Variants in CEP112 observed in about 807,000 individuals in gnomAD.
The protein encoded by CEP112 is centrosomal protein 112.
Under a neutral mutation model 153.0 loss-of-function variants are expected in CEP112, and 127 were observed. The ratio of observed to expected loss-of-function variants is 0.83; its 90% CI spans 0.72 to 0.96. The LOEUF (loss-of-function observed/expected upper bound fraction) is 0.96. Ranked by LOEUF, CEP112 falls within the 40% of genes least tolerant of loss-of-function variation. The probability of loss-of-function intolerance (pLI) is 0.00; values close to 1 mark genes in which losing one functional copy is unlikely to be tolerated. For synonymous variants in CEP112, 358 were observed against 374.4 expected (o/e 0.96, Z 0.51); for missense variants, 1,089 against 1,101.2 (o/e 0.99, Z 0.16).
At chr17:66,052,728 T>C (rs2145926013) in intron 12 of CEP112, among the ~76,000 whole-genome samples, 1 of 152,298 alleles carries the variant, frequency 6.6e-6, no homozygotes. Context: ...CCAATCTCCC[T>C]CTTTGATTTC....
At chr17:65,784,295 A>C (rs1271822671) in intron 21 of CEP112, among the ~76,000 whole-genome samples, 1 of 152,214 alleles carries the variant, frequency 6.6e-6, no homozygotes, top group Non-Finnish European at 1.5e-5. Context: ...ACTACAGCTG[A>C]GCTTATAAAC....
chr17:66,032,651 C>T (rs952122495), intron 12 of CEP112, among the ~76,000 whole-genome samples: 10 of 152,214 alleles, frequency 6.6e-5, no homozygotes, highest in African/African-American at 2.4e-4. Context: ...AAGAAGATAA[C>T]ATCATCCACA....
chr17:65,700,139 G>A (rs1182412718), intron 23 of CEP112, among the ~76,000 whole-genome samples: 2 of 151,106 alleles, frequency 1.3e-5, no homozygotes, highest in East Asian at 1.9e-4. Flanking sequence ...TCTCACTTGC[G>A]GATATTTCCC....
At chr17:65,648,125 T>C (rs8081822) in intron 24 of CEP112, among the ~76,000 whole-genome samples, 106,026 of 152,042 alleles carry the variant, frequency 0.7, 38,509 homozygotes, top group East Asian at 0.95. Context: ...TCTGCTGTGG[T>C]TCATTTCCAT....
rs1038451457 is a variant in CEP112, at chr17:66,176,653, A to G, written c.297+177T>C. On this transcript the variant is annotated intron_variant, in intron 3 of 26. Coordinates refer to ENST00000535342, the MANE Select transcript of CEP112 (RefSeq NM_001199165.4). ...AATCAATAAGGATACTCCCCTTATA[A>G]GCAATACATGTATTTTATTAAAGGT... 3 of 443,452 alleles carry G rather than the reference A, an allele frequency of 6.8e-6. 1 individual carries two copies. The highest frequency in any genetic ancestry group is 1.2e-3 in the Middle Eastern group (2 of 1,640). The allele number at this position is 443,452 out of a possible 1,614,324, so 27.5% of individuals were successfully genotyped here.
chr17:65,912,047 G>A (rs189841615), intron 19 of CEP112, among the ~76,000 whole-genome samples: 177 of 152,254 alleles, frequency 1.2e-3, no homozygotes, highest in Non-Finnish European at 3.4e-4. Flanking sequence ...CGGGTTCTGG[G>A]TCTGCGAACC....
In CEP112 at chr17:66,028,303, C is replaced by A; in HGVS notation, c.1596+10G>T. 6.6e-7 allele frequency: 1 copy of A among 1,513,210 alleles called. No individual in the cohort carries two copies. The highest frequency in any genetic ancestry group is 9.1e-7 in the Non-Finnish European group (1 of 1,099,216). The allele number at this position is 1,513,210 out of a possible 1,614,324, so 93.7% of individuals were successfully genotyped here. ...ACCATTGTTCTTCTGTGTAGAAATA[C>A]AAGACTCACCCTTAGTTGTTGCTTT... On this transcript the variant is annotated intron_variant, in intron 15 of 26. Coordinates refer to ENST00000535342, the MANE Select transcript of CEP112 (RefSeq NM_001199165.4).
intron 21 of CEP112, 143 bp from the exon 22 acceptor site, chr17:65,750,867 G>T: frequency 1.7e-6 from 1 of 581,994 alleles, no homozygotes. Flanking sequence ...GCTTGTCTTT[G>T]ATGTTACGCC....
intron 24 of CEP112, among the ~76,000 whole-genome samples, chr17:65,657,200 G>T (rs1283264941): frequency 6.6e-6 from 1 of 152,180 alleles, no homozygotes; most frequent in Non-Finnish European, 1.5e-5. Flanking sequence ...AATGACTCAT[G>T]CCTCTTTTCT....
chr17:65,975,323 C>T (rs2062992942), intron 17 of CEP112, among the ~76,000 whole-genome samples: 1 of 151,944 alleles, frequency 6.6e-6, no homozygotes, highest in African/African-American at 2.4e-5. Context: ...TTGAATTTGA[C>T]TAGAAATGGA....
intron 23 of CEP112, among the ~76,000 whole-genome samples, chr17:65,738,220 A>G (rs1208245749): frequency 2.0e-5 from 3 of 152,244 alleles, no homozygotes; most frequent in African/African-American, 7.2e-5. Context: ...ATTGAAATAT[A>G]GCATGAGAAT....
At chr17:65,911,479 C>T (rs2143820992) in intron 19 of CEP112, among the ~76,000 whole-genome samples, 1 of 152,228 alleles carries the variant, frequency 6.6e-6, no homozygotes. Context: ...TAATTTCTAA[C>T]ATTCTAAAAA....
chr17:65,940,975 T>G (rs771000864), intron 18 of CEP112, among the ~76,000 whole-genome samples: 1 of 152,178 alleles, frequency 6.6e-6, no homozygotes, highest in Non-Finnish European at 1.5e-5. Flanking sequence ...CATTTTGATA[T>G]ATGTATCAAA....
At chr17:65,874,437 G>C (rs996767163) in intron 20 of CEP112, among the ~76,000 whole-genome samples, 1 of 152,084 alleles carries the variant, frequency 6.6e-6, no homozygotes, top group Non-Finnish European at 1.5e-5. Context: ...ACAATTGCCA[G>C]CTGGACCAAT....
At chr17:66,185,216 A>G (rs770857339) in intron 1 of CEP112, among the ~76,000 whole-genome samples, 43 of 152,178 alleles carry the variant, frequency 2.8e-4, no homozygotes, top group Non-Finnish European at 4.9e-4. Context: ...TTTGCTGTAT[A>G]TAAGTTAAAA....
chr17:65,797,850 A>C (rs1415219238), intron 21 of CEP112, among the ~76,000 whole-genome samples: 2 of 152,188 alleles, frequency 1.3e-5, no homozygotes, highest in East Asian at 3.9e-4. Context: ...CCTGACAATC[A>C]TATTTAATCT....
intron 8 of CEP112, among the ~76,000 whole-genome samples, chr17:66,093,649 T>G (rs2068228330): frequency 6.7e-6 from 1 of 149,750 alleles, no homozygotes; most frequent in Admixed American, 6.7e-5. Flanking sequence ...TAATGAAAAC[T>G]GTAAAACACT....
At chr17:66,131,517 G>T (rs894720797) in intron 5 of CEP112, among the ~76,000 whole-genome samples, 1 of 152,046 alleles carries the variant, frequency 6.6e-6, no homozygotes, top group Non-Finnish European at 1.5e-5. Flanking sequence ...TGAGGCGGGC[G>T]GATCACGAGG....
intron 24 of CEP112, among the ~76,000 whole-genome samples, chr17:65,671,944 C>G (rs1363239608): frequency 1.3e-5 from 2 of 152,132 alleles, no homozygotes; most frequent in African/African-American, 2.4e-5. Context: ...GAGGCCTCAC[C>G]TGTGCAATAT....
Sources: allele counts gnomAD v4.1 joint callset (sites outside exome capture counted in the v4.1 genomes callset), GRCh38; gene constraint gnomAD v4.1.1; transcripts MANE v1.5; gene names NCBI Gene and HGNC (gene_info 2026-07-23, HGNC 2026-07-21).